HERPUD2: variants seen among roughly 807,000 people sequenced by gnomAD.
The protein encoded by HERPUD2 is HERPUD family member 2.
In HERPUD2, 13 loss-of-function variants were observed where a neutral mutation model predicts 49.9. The ratio of observed to expected loss-of-function variants is 0.26; its 90% CI spans 0.17 to 0.41. HERPUD2 has a LOEUF of 0.41. Among genes scored for constraint, HERPUD2 ranks in the 10% least tolerant of loss-of-function variants. The pLI is 1.00. For synonymous variants in HERPUD2, 172 were observed against 171.4 expected, an observed-to-expected ratio of 1.00 and a Z score of -0.03; for missense variants, 449 against 492.2, an observed-to-expected ratio of 0.91 and a Z score of 0.83.
chr7:35,640,747 T>C (rs1333771283), intron 5 of HERPUD2, among the ~76,000 whole-genome samples: 3 of 152,106 alleles, frequency 2.0e-5, no homozygotes, highest in African/African-American at 7.2e-5. Context: ...TATATAGGAA[T>C]AGATACAATG....
intron 2 of HERPUD2, among the ~76,000 whole-genome samples, chr7:35,683,294 A>T (rs1583569670): frequency 6.6e-6 from 1 of 152,354 alleles, no homozygotes; most frequent in Admixed American, 6.5e-5. Context: ...GATCTTTGAC[A>T]AAGCAAACAA....
At chr7:35,640,990 A>T (rs1784959742) in intron 5 of HERPUD2, among the ~76,000 whole-genome samples, 1 of 152,148 alleles carries the variant, frequency 6.6e-6, no homozygotes, top group Non-Finnish European at 1.5e-5. Context: ...CCTTTGGAGG[A>T]AGGACTTTCC....
chr7:35,674,366 T>C (rs1484886764), intron 2 of HERPUD2, among the ~76,000 whole-genome samples: 1 of 112,314 alleles, frequency 8.9e-6, no homozygotes, highest in Admixed American at 1.0e-4. Context: ...TTTAAAATCA[T>C]AAGTCTTACA....
intron 5 of HERPUD2, among the ~76,000 whole-genome samples, chr7:35,655,308 GAC>G (rs1402610529): frequency 6.6e-6 from 1 of 152,100 alleles, no homozygotes; most frequent in Non-Finnish European, 1.5e-5. Context: ...GATGAACACA[GAC>G]ACAAAAATCC....
intron 5 of HERPUD2, among the ~76,000 whole-genome samples, chr7:35,650,985 G>A (rs1785153689): frequency 1.3e-5 from 2 of 152,124 alleles, no homozygotes; most frequent in Non-Finnish European, 2.9e-5. Context: ...ATCCACAACT[G>A]TTGGCACCTG....
intron 6 of HERPUD2, among the ~76,000 whole-genome samples, chr7:35,637,555 C>T (rs1294624340): frequency 3.3e-5 from 5 of 152,090 alleles, no homozygotes; most frequent in African/African-American, 1.2e-4. Flanking sequence ...AATCTTCCAA[C>T]AATAAAGCAG....
intron 5 of HERPUD2, among the ~76,000 whole-genome samples, chr7:35,648,554 G>A (rs886341836): frequency 1.6e-4 from 24 of 152,150 alleles, no homozygotes; most frequent in Admixed American, 5.2e-4. Flanking sequence ...ATGTAATTTT[G>A]CAATACTTCC....
At chr7:35,675,305 TTA>T (rs1785738305) in intron 2 of HERPUD2, among the ~76,000 whole-genome samples, 1 of 152,226 alleles carries the variant, frequency 6.6e-6, no homozygotes, top group African/African-American at 2.4e-5. Context: ...AGAAACTCAG[TTA>T]GTTTTTTCCT....
chr7:35,662,966 T>C (rs1463842921), intron 5 of HERPUD2, among the ~76,000 whole-genome samples: 3 of 152,218 alleles, frequency 2.0e-5, no homozygotes, highest in African/African-American at 7.2e-5. Context: ...GATGTTAGGG[T>C]GTCAATTTTA....
intron 5 of HERPUD2, 60 bp from the exon 6 acceptor site, chr7:35,638,532 A>G: frequency 6.6e-7 from 1 of 1,518,196 alleles, no homozygotes; most frequent in Non-Finnish European, 8.9e-7. Context: ...ATTATTCTAA[A>G]TTTTCATTTC....
At chr7:35,646,059 C>G (rs1435738245) in intron 5 of HERPUD2, among the ~76,000 whole-genome samples, 2 of 152,190 alleles carry the variant, frequency 1.3e-5, no homozygotes. Flanking sequence ...TCCATTATTA[C>G]TGTATCTCTA....
At chr7:35,638,505 C>T in intron 5 of HERPUD2, 33 bp from the exon 6 acceptor site, 1 of 1,589,430 alleles carries the variant, frequency 6.3e-7, no homozygotes, top group Non-Finnish European at 8.6e-7. Context: ...TCTTTTAATG[C>T]TCTAGCAGCT....
At chr7:35,692,260 T>C (rs1371876176) in intron 2 of HERPUD2, among the ~76,000 whole-genome samples, 1 of 152,174 alleles carries the variant, frequency 6.6e-6, no homozygotes, top group Non-Finnish European at 1.5e-5. Context: ...AAAGCAGGCC[T>C]CTTCATGGGT....
intron 2 of HERPUD2, among the ~76,000 whole-genome samples, chr7:35,686,009 T>A (rs1202551762): frequency 1.3e-5 from 2 of 151,340 alleles, no homozygotes; most frequent in Non-Finnish European, 3.0e-5. Context: ...ATCAGGAAAA[T>A]CATGTGTTAG....
Position 35,635,220 on chromosome 7 carries a change from C to T in HERPUD2, c.856G>A (p.Ala286Thr). The change falls in exon 7 of 9, where the codon GCT becomes ACT. Residue 286 changes from alanine (A) to threonine (T), a missense_variant. Physicochemically the swap from Ala to Thr is moderately conservative, Grantham distance 58 (BLOSUM62 0). Coordinates refer to ENST00000311350, the MANE Select transcript of HERPUD2 (RefSeq NM_022373.5). ...WLDWMYTFSR[A>T]AILLSIVYFY... is the part of the protein sequence containing the mutation. ...TATACAATGCTAAGGAGAATCGCAG[C>T]TCGTGAGAACGTGTACATCCAGTCT... is the stretch of plus-strand genomic sequence containing the variant. 6.2e-7 allele frequency: 1 copy of T among 1,614,140 alleles called. No homozygotes were observed. The highest frequency in any genetic ancestry group is 8.5e-7 in the Non-Finnish European group (1 of 1,179,992).
chr7:35,634,532 TATA>T, intron 7 of HERPUD2, 103 bp from the exon 8 acceptor site: 1 of 670,488 alleles, frequency 1.5e-6, no homozygotes, highest in Non-Finnish European at 2.5e-6. Flanking sequence ...TGATTAAAAC[TATA>T]ATAAATAAAA....
At position 35,633,636 on chromosome 7, in the gene HERPUD2, T is replaced by G; in HGVS notation, c.*54A>C. 3 of 1,541,710 alleles carry G rather than the reference T, an allele frequency of 1.9e-6. No homozygotes were observed. Among genetic ancestry groups the G allele is most frequent in the Non-Finnish European group, 2.6e-6 (3 of 1,138,098 alleles). Reference sequence around the variant, plus strand: ...AATTTTTTTGAAATTGCACTGTTATTTAAACCACTTTCCTGAAGTCAGACC... The same window carrying G: ...AATTTTTTTGAAATTGCACTGTTATGTAAACCACTTTCCTGAAGTCAGACC... On this transcript the variant is annotated 3_prime_UTR_variant, in exon 9 of 9. Coordinates refer to ENST00000311350, the MANE Select transcript of HERPUD2 (RefSeq NM_022373.5).
intron 5 of HERPUD2, among the ~76,000 whole-genome samples, chr7:35,660,798 A>G (rs1277048265): frequency 6.6e-6 from 1 of 152,142 alleles, no homozygotes; most frequent in Non-Finnish European, 1.5e-5. Flanking sequence ...AGATGGGTAT[A>G]TTATAAAAAT....
chr7:35,648,375 T>C (rs1477792679), intron 5 of HERPUD2, among the ~76,000 whole-genome samples: 3 of 152,180 alleles, frequency 2.0e-5, no homozygotes, highest in Non-Finnish European at 2.9e-5. Context: ...TATGTGCCCC[T>C]CAGTGGCAAA....
Sources: allele counts gnomAD v4.1 joint callset (sites outside exome capture counted in the v4.1 genomes callset), GRCh38; gene constraint gnomAD v4.1.1; transcripts MANE v1.5; gene names NCBI Gene and HGNC (gene_info 2026-07-23, HGNC 2026-07-21).